Variants in BCAS3 observed in about 807,000 individuals in gnomAD.
BCAS3 encodes BCAS3 microtubule associated cell migration factor.
BCAS3 carries 53 observed loss-of-function variants against 116.1 expected under a neutral mutation model. The observed-to-expected ratio is 0.46, with a 90% CI of 0.37 to 0.57. The LOEUF is 0.57. Ranked by LOEUF, BCAS3 falls within the 20% of genes least tolerant of loss-of-function variation. The pLI is 0.00. For missense variants in BCAS3, 917 were observed against 1,165.4 expected (o/e 0.79, Z 3.10); for synonymous variants, 391 against 408.2 (o/e 0.96, Z 0.51).
chr17:61,027,347 A>G (rs1230546974), intron 16 of BCAS3: 2 of 450,684 alleles, frequency 4.4e-6, no homozygotes, highest in Admixed American at 2.4e-5. Flanking sequence ...GTTGCATTTT[A>G]TTTGGTCCTA....
At chr17:61,328,632 G>A (rs1422423942) in intron 22 of BCAS3, among the ~76,000 whole-genome samples, 3 of 152,148 alleles carry the variant, frequency 2.0e-5, no homozygotes, top group Non-Finnish European at 4.4e-5. Flanking sequence ...AGGTGTGGTG[G>A]TGTGCGCCTG....
chr17:61,318,122 G>A (rs996063436), intron 22 of BCAS3, among the ~76,000 whole-genome samples: 5 of 152,136 alleles, frequency 3.3e-5, no homozygotes, highest in African/African-American at 4.8e-5. Flanking sequence ...GCTCCTCCCC[G>A]CCACCATCAC....
rs2081722657 is a variant in BCAS3, at chr17:61,215,342, A to G, written c.2425+130778A>G. On this transcript the variant is annotated intron_variant, in intron 22 of 23. Transcript: ENST00000407086. This position sits in a 1 kb window ranked among gnomAD's most constrained non-coding sequence, Gnocchi z 4.8. The stretch of plus-strand genomic sequence containing the variant: ...CTAGAGATCTGGGGTTTTACTCATC[A>G]CTGTCAGTAACTAGCTCTCTGTCCT... 6.6e-6 allele frequency among the ~76,000 whole-genome samples: 1 copy of G among 152,172 alleles called. No homozygotes were observed. The highest frequency in any genetic ancestry group is 2.4e-5 in the African/African-American group (1 of 41,450).
intron 22 of BCAS3, among the ~76,000 whole-genome samples, chr17:61,292,566 C>T (rs2052529390): frequency 6.6e-6 from 1 of 152,010 alleles, no homozygotes; most frequent in East Asian, 1.9e-4. Flanking sequence ...GCATGAGAAT[C>T]GCTTGAACCC....
chr17:60,775,100 T>G (rs576558263), intron 6 of BCAS3, among the ~76,000 whole-genome samples: 16 of 152,304 alleles, frequency 1.1e-4, no homozygotes, highest in Middle Eastern at 3.4e-3. Flanking sequence ...ATTTCATTTG[T>G]AAGACAGTTT....
In BCAS3 at chr17:61,324,856, A is replaced by G. The variant is rs1000324539; in HGVS notation, c.2426-43471A>G. Among the ~76,000 whole-genome samples the G allele has an allele frequency of 6.6e-6, 1 of 152,182 alleles. No individual in the cohort carries two copies. Among genetic ancestry groups the G allele is most frequent in the Admixed American group, 6.5e-5 (1 of 15,280 alleles). On this transcript the variant is annotated intron_variant, in intron 22 of 23. Transcript: ENST00000407086. The surrounding 1 kb of genome is among the most constrained non-coding windows in gnomAD (Gnocchi z 4.6). ...AAAAAAAGAAGAAACAAAAAAGAAG[A>G]TGTAGACTGTGTGATCTCTGAAATT... is the stretch of plus-strand genomic sequence containing the variant.
chr17:61,271,263 G>C (rs1341371831), intron 22 of BCAS3, among the ~76,000 whole-genome samples: 1 of 150,460 alleles, frequency 6.6e-6, no homozygotes, highest in Non-Finnish European at 1.5e-5. Flanking sequence ...AAGTAGCTGG[G>C]ATTACAGGCG....
At chr17:60,707,324 C>T (rs547009707) in intron 4 of BCAS3, among the ~76,000 whole-genome samples, 22 of 151,704 alleles carry the variant, frequency 1.5e-4, no homozygotes, top group African/African-American at 4.6e-4. Context: ...GATGGGGTTT[C>T]GCCATGTTGC....
At chr17:60,860,793 T>A (rs1253371422) in intron 7 of BCAS3, among the ~76,000 whole-genome samples, 1 of 152,206 alleles carries the variant, frequency 6.6e-6, no homozygotes, top group Non-Finnish European at 1.5e-5. Flanking sequence ...AAAGATTAGA[T>A]GGTTGTAGGT....
At chr17:60,803,796 A>ATTTTTTTT (rs11384999) in intron 6 of BCAS3, among the ~76,000 whole-genome samples, 8 of 89,336 alleles carry the variant, frequency 9.0e-5, no homozygotes, top group Non-Finnish European at 1.4e-4. Flanking sequence ...AACTATTACG[A>ATTTTTTTT]TTTTTTTTTT....
intron 7 of BCAS3, among the ~76,000 whole-genome samples, chr17:60,863,541 G>T (rs1387958003): frequency 6.6e-6 from 1 of 151,858 alleles, no homozygotes; most frequent in Non-Finnish European, 1.5e-5. Context: ...GAAGCCAGGA[G>T]TTTAAGACCA....
intron 6 of BCAS3, among the ~76,000 whole-genome samples, chr17:60,753,527 A>G (rs1199954356): frequency 6.6e-6 from 1 of 151,626 alleles, no homozygotes; most frequent in Non-Finnish European, 1.5e-5. Context: ...CTCCTGCCTC[A>G]ACCTCCCGAG....
chr17:61,342,134 G>A (rs1170979538), intron 22 of BCAS3, among the ~76,000 whole-genome samples: 3 of 152,142 alleles, frequency 2.0e-5, no homozygotes, highest in African/African-American at 7.2e-5. Flanking sequence ...CTCCTGAGTA[G>A]CTGGGACTAC....
intron 6 of BCAS3, among the ~76,000 whole-genome samples, chr17:60,797,486 C>T (rs1408601301): frequency 6.6e-6 from 1 of 151,914 alleles, no homozygotes; most frequent in African/African-American, 2.4e-5. Context: ...GTAGCTGGGA[C>T]TACAGGTGTG....
intron 8 of BCAS3, among the ~76,000 whole-genome samples, chr17:60,872,150 G>C (rs2055162499): frequency 6.6e-6 from 1 of 151,686 alleles, no homozygotes; most frequent in African/African-American, 2.4e-5. Context: ...GAATTTGTTG[G>C]TGTAGACATA....
rs966526900 is a variant in BCAS3 at position 61,352,565 on chromosome 17, A to T, written c.2426-15762A>T. Among the ~76,000 whole-genome samples the T allele has an allele frequency of 6.6e-6, 1 of 151,596 alleles. No homozygotes were observed. The highest frequency in any genetic ancestry group is 1.5e-5 in the Non-Finnish European group (1 of 67,860). ...GTGGAGGGAAGGAGGGGTGATGCTGACCCCACACTCGAGCCACAGCCTCGG... is the reference window on the plus strand; with the variant it reads ...GTGGAGGGAAGGAGGGGTGATGCTGTCCCCACACTCGAGCCACAGCCTCGG... On this transcript the variant is annotated intron_variant, in intron 22 of 23. Coordinates refer to ENST00000407086, the MANE Select transcript of BCAS3 (RefSeq NM_017679.5). The surrounding 1 kb of genome is among the most constrained non-coding windows in gnomAD (Gnocchi z 4.7).
At chr17:60,784,465 A>ATT (rs532833306) in intron 6 of BCAS3, among the ~76,000 whole-genome samples, 17 of 146,374 alleles carry the variant, frequency 1.2e-4, no homozygotes, top group African/African-American at 3.8e-4. Flanking sequence ...TGCCCGGATA[A>ATT]TTTTTTTTTT....
At chr17:61,110,734 G>A (rs1299345046) in intron 22 of BCAS3, among the ~76,000 whole-genome samples, 12 of 152,116 alleles carry the variant, frequency 7.9e-5, no homozygotes, top group Non-Finnish European at 1.5e-4. Context: ...ACTGGGTGGA[G>A]CCCACCACAG....
rs2058166851 is a variant in BCAS3 at position 61,356,933 on chromosome 17, C to T, written c.2426-11394C>T. 6.6e-6 allele frequency: 1 copy of T among 152,250 alleles called. No individual in the cohort carries two copies. Among genetic ancestry groups the T allele is most frequent in the African/African-American group, 2.4e-5 (1 of 41,458 alleles). The allele number at this position is 152,250 out of a possible 1,614,324, so 9.4% of individuals were successfully genotyped here. On this transcript the variant is annotated intron_variant, in intron 22 of 23. Coordinates refer to ENST00000407086, the MANE Select transcript of BCAS3 (RefSeq NM_017679.5). The surrounding 1 kb of genome is among the most constrained non-coding windows in gnomAD (Gnocchi z 5.4). ...CCATGGAGCTGCAGGCTCACCTGCCCCCGGCTGAGTCAGGACCGAGCACAG... is the reference window on the plus strand; with the variant it reads ...CCATGGAGCTGCAGGCTCACCTGCCTCCGGCTGAGTCAGGACCGAGCACAG...
Sources: allele counts gnomAD v4.1 joint callset (sites outside exome capture counted in the v4.1 genomes callset), GRCh38; gene constraint gnomAD v4.1.1; non-coding constraint Gnocchi (gnomAD v3.1); transcripts MANE v1.5; gene names NCBI Gene and HGNC (gene_info 2026-07-23, HGNC 2026-07-21).